Variants in POGZ observed in about 807,000 individuals in gnomAD.
The protein encoded by POGZ is pogo transposable element with ZNF domain.
In POGZ, 17 loss-of-function variants were observed where a neutral mutation model predicts 134.6. That is an observed-to-expected ratio of 0.13 (90% CI 0.09 to 0.19). The LOEUF is 0.19. POGZ is among the 10% of genes least tolerant of loss of function. The pLI is 1.00. For synonymous variants in POGZ, 693 were observed against 657.1 expected, an observed-to-expected ratio of 1.05 and a Z score of -0.84; for missense variants, 1,306 against 1,769.7, an observed-to-expected ratio of 0.74 and a Z score of 4.70.
At chr1:151,436,405 G>A (rs1659595323) in intron 3 of POGZ, among the ~76,000 whole-genome samples, 1 of 151,942 alleles carries the variant, frequency 6.6e-6, no homozygotes, top group Admixed American at 6.6e-5. Context: ...TCATATAGAT[G>A]GAATCATATA....
chr1:151,448,867 A>AAAAC (rs58342858), intron 1 of POGZ, among the ~76,000 whole-genome samples: 63 of 152,070 alleles, frequency 4.1e-4, no homozygotes, highest in East Asian at 3.7e-3. Context: ...CCTGTTCTCA[A>AAAAC]AAACAAACAA....
At chr1:151,436,822 T>C (rs1198434727) in intron 3 of POGZ, among the ~76,000 whole-genome samples, 1 of 152,238 alleles carries the variant, frequency 6.6e-6, no homozygotes, top group Non-Finnish European at 1.5e-5. Context: ...CACAAGTTTT[T>C]ATGTGAACAT....
intron 3 of POGZ, among the ~76,000 whole-genome samples, chr1:151,436,237 C>G (rs568045728): frequency 1.3e-5 from 2 of 152,142 alleles, no homozygotes; most frequent in Non-Finnish European, 2.9e-5. Flanking sequence ...GGATTACGGG[C>G]GTGAGCCACC....
intron 1 of POGZ, among the ~76,000 whole-genome samples, chr1:151,447,312 C>T (rs1405943519): frequency 6.7e-6 from 1 of 149,352 alleles, no homozygotes; most frequent in African/African-American, 2.5e-5. Context: ...GCGGAGGTTG[C>T]AGTGAACCGA....
In POGZ at chr1:151,430,781, G is replaced by A; in HGVS notation, c.344C>T (p.Pro115Leu). Residue 115 changes from proline (P) to leucine (L), a missense_variant, in exon 4 of 19, where the codon CCA becomes CTA. By Grantham distance (98) the Pro-to-Leu change is moderately conservative (BLOSUM62 -3). Coordinates refer to ENST00000271715, the MANE Select transcript of POGZ (RefSeq NM_015100.4). Reference sequence around the variant, plus strand: ...TTGAGTAACCATTGTGCCCAGACCTGGGGCTGGATTCTGGGTCAGGATGAG... The same window carrying A: ...TTGAGTAACCATTGTGCCCAGACCTAGGGCTGGATTCTGGGTCAGGATGAG... ...QPLILTQNPA[P>L]GLGTMVTQPV... The A allele has an allele frequency of 6.3e-7, 1 of 1,598,036 alleles. No homozygotes were observed. Among genetic ancestry groups the A allele is most frequent in the African/African-American group, 1.4e-5 (1 of 73,326 alleles).
intron 1 of POGZ, among the ~76,000 whole-genome samples, chr1:151,447,415 A>C (rs1000521612): frequency 4.6e-5 from 7 of 151,988 alleles, no homozygotes; most frequent in African/African-American, 1.7e-4. Context: ...TAAAAAACTG[A>C]TAATCCCTTA....
chr1:151,448,326 T>C (rs1483669427), intron 1 of POGZ, among the ~76,000 whole-genome samples: 3 of 152,066 alleles, frequency 2.0e-5, no homozygotes, highest in Admixed American at 6.6e-5. Flanking sequence ...AGTTAAGAAA[T>C]TTTGGCTGGG....
intron 12 of POGZ, among the ~76,000 whole-genome samples, chr1:151,409,966 G>A (rs1654382994): frequency 6.6e-6 from 1 of 152,140 alleles, no homozygotes; most frequent in African/African-American, 2.4e-5. Flanking sequence ...GCCCCTATTT[G>A]GAAATACAGT....
chr1:151,432,469 T>C (rs1369456525), intron 3 of POGZ, among the ~76,000 whole-genome samples: 1 of 152,194 alleles, frequency 6.6e-6, no homozygotes, highest in Non-Finnish European at 1.5e-5. Flanking sequence ...TAGAGGCAGA[T>C]AGATAAATAA....
intron 4 of POGZ, among the ~76,000 whole-genome samples, chr1:151,430,402 T>C (rs1415088989): frequency 6.6e-6 from 1 of 152,216 alleles, no homozygotes; most frequent in African/African-American, 2.4e-5. Flanking sequence ...GGCTTCCTAA[T>C]TCAAGTTTTC....
rs564581465 is a variant in POGZ at position 151,426,372 on chromosome 1, A to G, written c.1079-1311T>C. ...TGGCTAATTTTTGTATTTTTAGTATAGACGGGGTTTCACCATTATTGGTCA... is the reference window on the plus strand; with the variant it reads ...TGGCTAATTTTTGTATTTTTAGTATGGACGGGGTTTCACCATTATTGGTCA... On this transcript the variant is annotated intron_variant, in intron 7 of 18. Coordinates refer to ENST00000271715, the MANE Select transcript of POGZ (RefSeq NM_015100.4). 7.9e-5 allele frequency: 12 copies of G among 152,054 alleles called. No individual in the cohort carries two copies. The East Asian group carries it at 2.1e-3, about 27-fold the overall frequency. The allele number at this position is 152,054 out of a possible 1,614,324, so 9.4% of individuals were successfully genotyped here.
At chr1:151,437,287 A>T (rs1419638744) in intron 3 of POGZ, among the ~76,000 whole-genome samples, 1 of 150,468 alleles carries the variant, frequency 6.6e-6, no homozygotes. Flanking sequence ...TTTTAATCAC[A>T]TCTTTAATGT....
chr1:151,440,464 T>C (rs1483020000), intron 3 of POGZ, among the ~76,000 whole-genome samples: 1 of 152,100 alleles, frequency 6.6e-6, no homozygotes, highest in Non-Finnish European at 1.5e-5. Flanking sequence ...CTAAAAACAC[T>C]AGTCTTTCAC....
rs1457605507 is a variant in POGZ at position 151,459,239 on chromosome 1, G to A, written c.-89C>T. On this transcript the variant is annotated 5_prime_UTR_variant, in exon 1 of 19. Transcript: ENST00000271715. ...TTACACCCGGCGCCAGAAGGGGGTG[G>A]GAGCAGGGGGAGGGGACGGGGGCTT... 1 of 152,004 alleles carries A rather than the reference G, an allele frequency of 6.6e-6. No homozygotes were observed. The highest frequency in any genetic ancestry group is 1.5e-5 in the Non-Finnish European group (1 of 67,954). 9.4% of individuals were successfully genotyped at this position (152,004 alleles called of 1,614,324 possible).
At position 151,428,240 on chromosome 1, in the gene POGZ, G is replaced by GCTGGGA. The variant is rs762344808; in HGVS notation, c.736_741dup (p.Ser246_Gln247dup). Reference sequence around the variant, plus strand: ...GAAGTGCTGGGAGTGGACTTGGTCTGCTGGGACTGGGACTGTGGGACGGTG... The same window carrying GCTGGGA: ...GAAGTGCTGGGAGTGGACTTGGTCTGCTGGGACTGGGACTGGGACTGTGGGACGGTG... On this transcript the variant is annotated inframe_insertion, in exon 6 of 19. Coordinates refer to ENST00000271715, the MANE Select transcript of POGZ (RefSeq NM_015100.4). The GCTGGGA allele has an allele frequency of 6.2e-7, 1 of 1,614,054 alleles. No individual in the cohort carries two copies. The highest frequency in any genetic ancestry group is 2.2e-5 in the East Asian group (1 of 44,878).
In POGZ at chr1:151,404,525, T is replaced by G; in HGVS notation, c.*277A>C. Reference sequence around the variant, plus strand: ...TCAGAAAAATACCAAACACAGTGATTTAAATTTAAAAAAAAAAAAAGTCAC... The same window carrying G: ...TCAGAAAAATACCAAACACAGTGATGTAAATTTAAAAAAAAAAAAAGTCAC... On this transcript the variant is annotated 3_prime_UTR_variant, in exon 19 of 19. Coordinates refer to ENST00000271715, the MANE Select transcript of POGZ (RefSeq NM_015100.4). The G allele has an allele frequency of 9.0e-7, 1 of 1,112,452 alleles. No individual in the cohort carries two copies. The highest frequency in any genetic ancestry group is 1.6e-5 in the African/African-American group (1 of 61,358). The allele number at this position is 1,112,452 out of a possible 1,614,324, so 68.9% of individuals were successfully genotyped here.
intron 10 of POGZ, among the ~76,000 whole-genome samples, chr1:151,419,934 C>T (rs1045141506): frequency 2.0e-5 from 3 of 151,914 alleles, no homozygotes; most frequent in Non-Finnish European, 2.9e-5. Flanking sequence ...TGTGGAACTT[C>T]GGAATAACAA....
intron 3 of POGZ, among the ~76,000 whole-genome samples, chr1:151,436,283 TCA>T (rs1254128993): frequency 6.6e-6 from 1 of 151,914 alleles, no homozygotes; most frequent in East Asian, 1.9e-4. Context: ...TTCATCGCCC[TCA>T]AAAGAAACCT....
Position 151,404,009 on chromosome 1 carries a change from C to T in POGZ, c.*793G>A, listed in dbSNP as rs1363664735. 1.0e-6 allele frequency: 1 copy of T among 985,228 alleles called. No homozygotes were observed. Among genetic ancestry groups the T allele is most frequent in the Non-Finnish European group, 1.2e-6 (1 of 829,808 alleles). The allele number at this position is 985,228 out of a possible 1,614,324, so 61.0% of individuals were successfully genotyped here. A position where few individuals can be genotyped will look rare whatever the true frequency, so the allele number is the denominator to read the frequency against. The stretch of plus-strand genomic sequence containing the variant: ...TGGTGTTGAGAATGGGGAAAGGGGC[C>T]AAGGATCACAAGTGCAAAAAATATT... On this transcript the variant is annotated 3_prime_UTR_variant, in exon 19 of 19. Coordinates refer to ENST00000271715, the MANE Select transcript of POGZ (RefSeq NM_015100.4).
Sources: allele counts gnomAD v4.1 joint callset (sites outside exome capture counted in the v4.1 genomes callset), GRCh38; gene constraint gnomAD v4.1.1; transcripts MANE v1.5; gene names NCBI Gene and HGNC (gene_info 2026-07-23, HGNC 2026-07-21).